The following CREB3L2 variants were observed in gnomAD, a reference collection of about 807,000 sequenced individuals.
CREB3L2 encodes cyclic AMP-responsive element-binding protein 3-like protein 2.
In CREB3L2, 23 loss-of-function variants were observed where a neutral mutation model predicts 57.2. The observed-to-expected ratio is 0.40, with a 90% CI of 0.29 to 0.57. The LOEUF (loss-of-function observed/expected upper bound fraction) is 0.57, where lower values mean the gene tolerates loss of function less well. Ranked by LOEUF, CREB3L2 falls within the 20% of genes least tolerant of loss-of-function variation. CREB3L2 has a pLI of 0.42. For synonymous variants in CREB3L2, 268 were observed against 265.1 expected (o/e 1.01, Z -0.11); for missense variants, 628 against 634.7 (o/e 0.99, Z 0.11).
intron 1 of CREB3L2, among the ~76,000 whole-genome samples, chr7:137,971,540 C>T (rs1206485912): frequency 6.6e-6 from 1 of 152,010 alleles, no homozygotes; most frequent in Non-Finnish European, 1.5e-5. Context: ...GATCTTTTTG[C>T]GGCTAGGCTG....
chr7:137,987,610 T>TG (rs1801813811), intron 1 of CREB3L2, among the ~76,000 whole-genome samples: 1 of 152,218 alleles, frequency 6.6e-6, no homozygotes, highest in South Asian at 2.1e-4. Context: ...TTTTGTGTGT[T>TG]GGGGAGACAA....
Position 137,946,772 on chromosome 7 carries a change from ATC to A in CREB3L2, c.103-18408_103-18407del, listed in dbSNP as rs58463271. On this transcript the variant is annotated intron_variant, in intron 1 of 11. Transcript: ENST00000330387. ...TTATAGTTATCTATATAGTTTAGTTATCTATATAGTTATCTATATAGTTATAT... is the reference window on the plus strand; with the variant it reads ...TTATAGTTATCTATATAGTTTAGTTATATATAGTTATCTATATAGTTATAT... Among the ~76,000 whole-genome samples the A allele has an allele frequency of 3.1e-4, 10 of 31,866 alleles. 4 individuals are homozygous for A. The highest frequency in any genetic ancestry group is 6.4e-3 in the East Asian group (2 of 314). The allele number at this position is 31,866 out of a possible 152,430, so 20.9% of individuals were successfully genotyped here. A position where few individuals can be genotyped will look rare whatever the true frequency, so the allele number is the denominator to read the frequency against.
chr7:137,951,778 T>C (rs1179824935), intron 1 of CREB3L2, among the ~76,000 whole-genome samples: 1 of 152,134 alleles, frequency 6.6e-6, no homozygotes, highest in African/African-American at 2.4e-5. Flanking sequence ...ACCCAGGAGT[T>C]CGAGACGAGA....
At chr7:137,956,784 A>C in intron 1 of CREB3L2, 2 of 452,738 alleles carry the variant, frequency 4.4e-6, no homozygotes, top group South Asian at 1.7e-5. Context: ...CCCACCTAAA[A>C]GAGTTAGACC....
chr7:137,988,348 G>C (rs929878263), intron 1 of CREB3L2, among the ~76,000 whole-genome samples: 5 of 152,226 alleles, frequency 3.3e-5, no homozygotes, highest in African/African-American at 1.2e-4. Context: ...GCCAGCAGCT[G>C]CTCATTTTCT....
chr7:137,977,894 C>T (rs555834454), intron 1 of CREB3L2, among the ~76,000 whole-genome samples: 2 of 147,152 alleles, frequency 1.4e-5, no homozygotes, highest in Non-Finnish European at 3.0e-5. Context: ...GCACTCCAGC[C>T]TGGGCAAGAA....
chr7:137,902,984 T>C (rs1240838850), intron 7 of CREB3L2, among the ~76,000 whole-genome samples: 1 of 148,200 alleles, frequency 6.7e-6, no homozygotes, highest in Non-Finnish European at 1.5e-5. Context: ...GCCTGGCTAA[T>C]TTTTTTTTAT....
chr7:137,939,097 T>C (rs932443372), intron 1 of CREB3L2, among the ~76,000 whole-genome samples: 2 of 152,250 alleles, frequency 1.3e-5, no homozygotes, highest in African/African-American at 4.8e-5. Context: ...TCTAGCCTAG[T>C]AGGGCCTGTC....
rs562711280 is a variant in CREB3L2 at position 137,896,716 on chromosome 7, T to C, written c.1043+4638A>G. 3.9e-5 allele frequency among the ~76,000 whole-genome samples: 6 copies of C among 152,182 alleles called. No individual in the cohort carries two copies. The East Asian group carries it at 1.2e-3, about 29-fold the overall frequency. On this transcript the variant is annotated intron_variant, in intron 8 of 11. Coordinates refer to ENST00000330387, the MANE Select transcript of CREB3L2 (RefSeq NM_194071.4). ...CGTTATCCACGAGGAGAGGTGAGTC[T>C]TGAAGAGGGAGAAGAAATGGGAGAA...
intron 1 of CREB3L2, chr7:137,956,768 T>C: frequency 3.8e-6 from 2 of 529,338 alleles, no homozygotes; most frequent in Non-Finnish European, 6.6e-6. Context: ...GCATACAGCA[T>C]AAGGCCCCAC....
rs140353524 is a variant in CREB3L2, at chr7:137,964,040, C to A, written c.103-35674G>T. On this transcript the variant is annotated intron_variant, in intron 1 of 11. Transcript: ENST00000330387. ...TGTTAAAGAAACACTTGCGGCCAGGCGCGGTGGCTCACGCCTGTAATCCCA... is the reference window on the plus strand; with the variant it reads ...TGTTAAAGAAACACTTGCGGCCAGGAGCGGTGGCTCACGCCTGTAATCCCA... Among the ~76,000 whole-genome samples the A allele has an allele frequency of 3.9e-4, 60 of 152,328 alleles. No homozygotes were observed. The East Asian group carries it at 7.3e-3, about 19-fold the overall frequency.
chr7:137,915,972 G>A lies in CREB3L2; in HGVS notation c.360C>T (p.Phe120=). The change falls in exon 3 of 12, where the codon TTC becomes TTT. Residue 120 remains phenylalanine, a synonymous_variant. Coordinates refer to ENST00000330387, the MANE Select transcript of CREB3L2 (RefSeq NM_194071.4). ...GCTCTGTCTTGATGGATGTTGAAGG[G>A]AAGTCTGTAGACAGGTACCATTTCT... The part of the protein sequence containing the change: ...ESEKWYLSTD[F]PSTSIKTEPV... 6.2e-7 allele frequency: 1 copy of A among 1,613,962 alleles called. No homozygotes were observed. The highest frequency in any genetic ancestry group is 8.5e-7 in the Non-Finnish European group (1 of 1,179,936).
chr7:137,988,695 C>G, intron 1 of CREB3L2, among the ~76,000 whole-genome samples: 1 of 152,208 alleles, frequency 6.6e-6, no homozygotes, highest in Admixed American at 6.5e-5. Context: ...AAACTAAGAA[C>G]TGCAAATGAC....
chr7:137,995,271 T>A (rs1801968611), intron 1 of CREB3L2, among the ~76,000 whole-genome samples: 1 of 151,558 alleles, frequency 6.6e-6, no homozygotes, highest in South Asian at 2.1e-4. Context: ...AGAACCAAGG[T>A]CCATTGAGGA....
chr7:137,893,055 A>C lies in CREB3L2; in HGVS notation c.1044-7553T>G, dbSNP rs546708176. ...TTTACTTAAGTTTTGAAGGTTGTTCATGGGGCTCTGGCCTAAATGAAAAAA... is the reference window on the plus strand; with the variant it reads ...TTTACTTAAGTTTTGAAGGTTGTTCCTGGGGCTCTGGCCTAAATGAAAAAA... On this transcript the variant is annotated intron_variant, in intron 8 of 11. Coordinates refer to ENST00000330387, the MANE Select transcript of CREB3L2 (RefSeq NM_194071.4). Among the ~76,000 whole-genome samples, 22 of 152,180 alleles carry C rather than the reference A, an allele frequency of 1.4e-4. 1 individual carries two copies. Among genetic ancestry groups the C allele is most frequent in the African/African-American group, 4.8e-4 (20 of 41,528 alleles).
At chr7:137,977,150 C>T (rs908688696) in intron 1 of CREB3L2, among the ~76,000 whole-genome samples, 7 of 152,208 alleles carry the variant, frequency 4.6e-5, no homozygotes, top group Admixed American at 1.3e-4. Context: ...GTTCCTCCCC[C>T]GTTATTCTGA....
chr7:137,974,042 G>C (rs2117305077), intron 1 of CREB3L2, among the ~76,000 whole-genome samples: 1 of 128,934 alleles, frequency 7.8e-6, no homozygotes, highest in South Asian at 2.4e-4. Flanking sequence ...ATAATGCCAA[G>C]CATCTGCTCT....
intron 1 of CREB3L2, among the ~76,000 whole-genome samples, chr7:137,971,367 G>A (rs571774664): frequency 7.2e-5 from 11 of 151,874 alleles, no homozygotes; most frequent in Non-Finnish European, 1.5e-4. Context: ...GGAGAATGGC[G>A]TGAACCTGGG....
At chr7:137,912,271 G>T (rs1800025634) in intron 4 of CREB3L2, among the ~76,000 whole-genome samples, 1 of 151,892 alleles carries the variant, frequency 6.6e-6, no homozygotes, top group Admixed American at 6.6e-5. Context: ...CAGCTTCTCA[G>T]GAGGCTGAGG....
Sources: allele counts gnomAD v4.1 joint callset (sites outside exome capture counted in the v4.1 genomes callset), GRCh38; gene constraint gnomAD v4.1.1; transcripts MANE v1.5; gene names NCBI Gene and HGNC (gene_info 2026-07-23, HGNC 2026-07-21).